CNTN5: variants seen among roughly 807,000 people sequenced by gnomAD.
CNTN5 encodes contactin-5.
CNTN5 carries 77 observed loss-of-function variants against 129.1 expected under a neutral mutation model. That is an observed-to-expected ratio of 0.60 (90% confidence interval 0.50 to 0.72). The LOEUF (loss-of-function observed/expected upper bound fraction) is 0.72, where lower values mean the gene tolerates loss of function less well. Ranked by LOEUF, CNTN5 falls within the 30% of genes least tolerant of loss-of-function variation. The pLI is 0.00. For missense variants in CNTN5, 1,478 were observed against 1,328.8 expected (o/e 1.11, Z -1.75); for synonymous variants, 509 against 465.6 (o/e 1.09, Z -1.20).
At chr11:99,766,875 A>G (rs1450074094) in intron 3 of CNTN5, among the ~76,000 whole-genome samples, 1 of 152,114 alleles carries the variant, frequency 6.6e-6, no homozygotes, top group Non-Finnish European at 1.5e-5. Context: ...GAGCTCTTCT[A>G]GATTATCTCA....
At chr11:100,102,531 TAC>T (rs1945261031) in intron 13 of CNTN5, among the ~76,000 whole-genome samples, 1 of 151,680 alleles carries the variant, frequency 6.6e-6, no homozygotes, top group African/African-American at 2.4e-5. Flanking sequence ...GTCCTGAAAA[TAC>T]AGTTTTCCAG....
At chr11:99,686,938 C>G (rs1376712309) in intron 3 of CNTN5, among the ~76,000 whole-genome samples, 1 of 152,150 alleles carries the variant, frequency 6.6e-6, no homozygotes, top group Non-Finnish European at 1.5e-5. Context: ...CCTGCTTTTT[C>G]TCTGCCCAAA....
At chr11:100,102,359 ATCT>A (rs1945252672) in intron 13 of CNTN5, among the ~76,000 whole-genome samples, 1 of 151,888 alleles carries the variant, frequency 6.6e-6, no homozygotes, top group South Asian at 2.1e-4. Context: ...CTGTTTGTGT[ATCT>A]TCTTTTGAGA....
intron 2 of CNTN5, among the ~76,000 whole-genome samples, chr11:99,357,610 A>G (rs1234052692): frequency 6.6e-6 from 1 of 152,090 alleles, no homozygotes; most frequent in Non-Finnish European, 1.5e-5. Flanking sequence ...GCTCTATAGC[A>G]TATGCAAAAT....
chr11:100,356,107 T>C lies in CNTN5; in HGVS notation c.3200-10T>C. The C allele has an allele frequency of 6.3e-7, 1 of 1,596,410 alleles. No homozygotes were observed. Among genetic ancestry groups the C allele is most frequent in the Non-Finnish European group, 8.6e-7 (1 of 1,167,636 alleles). ...ATAATTTGCTCCATTTGATGCTTCTTTTTTCACAGGTGGAAAAATCACAAG... is the reference window on the plus strand; with the variant it reads ...ATAATTTGCTCCATTTGATGCTTCTCTTTTCACAGGTGGAAAAATCACAAG... On this transcript the variant is annotated splice_polypyrimidine_tract_variant and intron_variant, in intron 24 of 24. Transcript: ENST00000524871.
chr11:99,713,611 A>C (rs1032299056), intron 3 of CNTN5, among the ~76,000 whole-genome samples: 2 of 151,930 alleles, frequency 1.3e-5, no homozygotes, highest in Admixed American at 6.6e-5. Flanking sequence ...ATAAATATGT[A>C]TGTATGTTTA....
At chr11:99,160,694 T>C (rs11218586) in intron 1 of CNTN5, among the ~76,000 whole-genome samples, 30,434 of 152,016 alleles carry the variant, frequency 0.2, 3,234 homozygotes, top group Middle Eastern at 0.27. Flanking sequence ...ACAAAAACTG[T>C]CTACACATAT....
intron 13 of CNTN5, among the ~76,000 whole-genome samples, chr11:100,098,048 G>A (rs1019159851): frequency 1.3e-5 from 2 of 151,968 alleles, no homozygotes; most frequent in East Asian, 1.9e-4. Context: ...TTAGCTTTAC[G>A]AGCTAAAAGT....
chr11:99,124,124 T>C (rs573027685), intron 1 of CNTN5, among the ~76,000 whole-genome samples: 3 of 152,106 alleles, frequency 2.0e-5, no homozygotes, highest in African/African-American at 7.2e-5. Context: ...TTATGCAATA[T>C]GGCCATTTTG....
At chr11:99,191,296 AT>A (rs566322652) in intron 1 of CNTN5, among the ~76,000 whole-genome samples, 25 of 151,738 alleles carry the variant, frequency 1.6e-4, no homozygotes, top group Admixed American at 2.6e-4. Context: ...TTGGCCTATA[AT>A]TTTTTTGTAG....
At chr11:100,222,236 TAG>T (rs759267886) in intron 15 of CNTN5, among the ~76,000 whole-genome samples, 27 of 152,160 alleles carry the variant, frequency 1.8e-4, no homozygotes, top group Non-Finnish European at 4.0e-4. Flanking sequence ...CCACAGGCTG[TAG>T]AGTTTTTGCT....
chr11:99,070,991 C>T (rs1401842550), intron 1 of CNTN5, among the ~76,000 whole-genome samples: 1 of 152,060 alleles, frequency 6.6e-6, no homozygotes, highest in Non-Finnish European at 1.5e-5. Context: ...GTGACCGGTC[C>T]TGATATTCTA....
At chr11:100,019,894 G>C (rs1941034921) in intron 9 of CNTN5, among the ~76,000 whole-genome samples, 1 of 151,882 alleles carries the variant, frequency 6.6e-6, no homozygotes. Context: ...GACATGTGAG[G>C]TGATACCACA....
chr11:100,059,980 G>A (rs564240277), intron 9 of CNTN5, among the ~76,000 whole-genome samples: 1 of 152,028 alleles, frequency 6.6e-6, no homozygotes, highest in African/African-American at 2.4e-5. Context: ...AGGCCTAGGC[G>A]GGCAGATCAC....
intron 6 of CNTN5, among the ~76,000 whole-genome samples, chr11:99,846,357 C>CAAAAAAAAAAAA (rs35705639): frequency 1.6e-5 from 1 of 61,400 alleles, no homozygotes. Flanking sequence ...GGATCTGTCT[C>CAAAAAAAAAAAA]AAAAAAAAAA....
At position 99,922,342 on chromosome 11, in the gene CNTN5, A is replaced by T. The variant is rs368959809; in HGVS notation, c.673+6193A>T. On this transcript the variant is annotated intron_variant, in intron 7 of 24. Transcript: ENST00000524871. Reference sequence around the variant, plus strand: ...AACACGTAGGGATTATGAAAGCTACAAGTCAAGATGAGATTTGAGTGGGGA... The same window carrying T: ...AACACGTAGGGATTATGAAAGCTACTAGTCAAGATGAGATTTGAGTGGGGA... 8.5e-5 allele frequency among the ~76,000 whole-genome samples: 13 copies of T among 152,312 alleles called. 1 individual carries two copies. Among genetic ancestry groups the T allele is most frequent in the Admixed American group, 1.3e-4 (2 of 15,300 alleles).
chr11:99,717,306 T>C (rs982559618), intron 3 of CNTN5, among the ~76,000 whole-genome samples: 8 of 152,018 alleles, frequency 5.3e-5, no homozygotes, highest in Non-Finnish European at 1.2e-4. Flanking sequence ...TTATATACAG[T>C]ATAGATTAAT....
intron 4 of CNTN5, among the ~76,000 whole-genome samples, chr11:99,841,139 G>A (rs974878963): frequency 6.6e-6 from 1 of 152,016 alleles, no homozygotes; most frequent in African/African-American, 2.4e-5. Context: ...TTATGTTGAC[G>A]CACTGGCTTA....
At chr11:100,340,198 C>T (rs1020203800) in intron 21 of CNTN5, among the ~76,000 whole-genome samples, 5 of 152,160 alleles carry the variant, frequency 3.3e-5, no homozygotes, top group Non-Finnish European at 5.9e-5. Context: ...CATTTTCACT[C>T]CTTCAGGCCA....
Sources: allele counts gnomAD v4.1 joint callset (sites outside exome capture counted in the v4.1 genomes callset), GRCh38; gene constraint gnomAD v4.1.1; transcripts MANE v1.5; gene names NCBI Gene and HGNC (gene_info 2026-07-23, HGNC 2026-07-21).